The following EPB41L4B variants were observed in gnomAD, a reference collection of about 807,000 sequenced individuals.
EPB41L4B encodes erythrocyte membrane protein band 4.1 like 4B.
A neutral mutation model predicts 112.5 loss-of-function variants in EPB41L4B; 30 were observed. That is an observed-to-expected ratio of 0.27 (90% CI 0.20 to 0.36). EPB41L4B has a LOEUF of 0.36. Ranked by LOEUF, EPB41L4B falls within the 10% of genes least tolerant of loss-of-function variation. The probability of loss-of-function intolerance (pLI) is 1.00; values close to 1 mark genes in which losing one functional copy is unlikely to be tolerated. For synonymous variants in EPB41L4B, 408 were observed against 439.7 expected, an observed-to-expected ratio of 0.93 and a Z score of 0.90; for missense variants, 1,024 against 1,133.3, an observed-to-expected ratio of 0.90 and a Z score of 1.38.
intron 4 of EPB41L4B, 133 bp downstream of exon 4, chr9:109,267,340 A>G: frequency 1.8e-6 from 1 of 565,878 alleles, no homozygotes; most frequent in Non-Finnish European, 3.2e-6. Context: ...GAAGCACCGG[A>G]AAAGTACTAA....
intron 18 of EPB41L4B, 115 bp downstream of exon 18, chr9:109,207,809 T>G: frequency 7.5e-7 from 1 of 1,336,220 alleles, no homozygotes; most frequent in Non-Finnish European, 1.0e-6. Flanking sequence ...GGTTCTCATC[T>G]CCTGACTGGA....
intron 1 of EPB41L4B, among the ~76,000 whole-genome samples, chr9:109,286,590 C>A (rs773605379): frequency 2.0e-5 from 3 of 152,140 alleles, no homozygotes; most frequent in Admixed American, 2.0e-4. Flanking sequence ...CTCTCTGTGA[C>A]GAATTCATCC....
chr9:109,239,326 G>C lies in EPB41L4B; in HGVS notation c.1409+4292C>G, dbSNP rs76369089. 5.8e-3 allele frequency among the ~76,000 whole-genome samples: 887 copies of C among 152,312 alleles called. 19 individuals carry two copies. The East Asian group carries it at 0.086, about 15-fold the overall frequency. ...GGAATTCAGGCAGAAGAAAAGTTTT[G>C]TGGGAGGAGGGTAAAAGATGATCGA... On this transcript the variant is annotated intron_variant, in intron 15 of 25. Transcript: ENST00000374566.
At chr9:109,302,278 G>T (rs1836998647) in intron 1 of EPB41L4B, among the ~76,000 whole-genome samples, 1 of 152,138 alleles carries the variant, frequency 6.6e-6, no homozygotes, top group Admixed American at 6.5e-5. Context: ...TCTCTTCATT[G>T]TTCTCGGCCT....
intron 1 of EPB41L4B, among the ~76,000 whole-genome samples, chr9:109,313,803 T>C (rs1181005032): frequency 6.6e-6 from 1 of 152,174 alleles, no homozygotes; most frequent in Non-Finnish European, 1.5e-5. Context: ...AAGTCGACCA[T>C]CCTTATTCAA....
intron 15 of EPB41L4B, among the ~76,000 whole-genome samples, chr9:109,218,317 G>A (rs1222757966): frequency 6.6e-6 from 1 of 151,694 alleles, no homozygotes; most frequent in African/African-American, 2.4e-5. Context: ...GTAGAGATGG[G>A]GTTTCACCAT....
chr9:109,174,726 G>A, intron 25 of EPB41L4B, 103 bp from the exon 26 acceptor site: 1 of 928,774 alleles, frequency 1.1e-6, no homozygotes, highest in Non-Finnish European at 1.6e-6. Context: ...TCTCAGTGTT[G>A]GACTTTCTTT....
chr9:109,276,694 G>A (rs1156490721), intron 2 of EPB41L4B, among the ~76,000 whole-genome samples: 1 of 152,202 alleles, frequency 6.6e-6, no homozygotes, highest in Non-Finnish European at 1.5e-5. Context: ...GCACTGGCGG[G>A]CGGGAAAGCC....
At chr9:109,295,837 G>T (rs1047501961) in intron 1 of EPB41L4B, among the ~76,000 whole-genome samples, 10 of 149,804 alleles carry the variant, frequency 6.7e-5, no homozygotes, top group African/African-American at 2.2e-4. Context: ...CTTTTTTTCT[G>T]TTTTTTTTTC....
At chr9:109,314,641 CCCACCTCAG>C (rs1468948034) in intron 1 of EPB41L4B, among the ~76,000 whole-genome samples, 1 of 151,654 alleles carries the variant, frequency 6.6e-6, no homozygotes, top group Non-Finnish European at 1.5e-5. Context: ...CTCACCCCCC[CCCACCTCAG>C]CCTTTCTTTT....
intron 1 of EPB41L4B, among the ~76,000 whole-genome samples, chr9:109,313,415 A>C (rs536933984): frequency 6.6e-6 from 1 of 152,302 alleles, no homozygotes; most frequent in Admixed American, 6.5e-5. Flanking sequence ...GAGTGAGATT[A>C]GAGGGATTAG....
chr9:109,211,747 G>A (rs143544791), intron 17 of EPB41L4B, among the ~76,000 whole-genome samples: 7,862 of 136,524 alleles, frequency 0.058, 315 homozygotes, highest in Middle Eastern at 0.15. Flanking sequence ...AGGGAGTCTC[G>A]CTCTGTCACC....
At chr9:109,222,877 A>G (rs756116432) in intron 15 of EPB41L4B, among the ~76,000 whole-genome samples, 1 of 152,192 alleles carries the variant, frequency 6.6e-6, no homozygotes, top group Non-Finnish European at 1.5e-5. Context: ...GTGCCCTGTT[A>G]GTAAATGCAG....
chr9:109,173,468 T>C lies in EPB41L4B; in HGVS notation c.*1086A>G, dbSNP rs1214148726. 6.6e-6 allele frequency: 1 copy of C among 152,490 alleles called. No individual in the cohort carries two copies. The highest frequency in any genetic ancestry group is 1.5e-5 in the Non-Finnish European group (1 of 68,030). 9.4% of individuals were successfully genotyped at this position (152,490 alleles called of 1,614,324 possible). ...CTATTTATAAGAGTGAAAAATTAGA[T>C]ATAACTCAAATATCTAATAATGGGG... On this transcript the variant is annotated 3_prime_UTR_variant, in exon 26 of 26. Coordinates refer to ENST00000374566, the MANE Select transcript of EPB41L4B (RefSeq NM_019114.5).
chr9:109,266,819 A>AT (rs1288204371), intron 4 of EPB41L4B, among the ~76,000 whole-genome samples: 1 of 151,932 alleles, frequency 6.6e-6, no homozygotes, highest in Non-Finnish European at 1.5e-5. Context: ...ATATATAACA[A>AT]TTAGCAGAGT....
chr9:109,267,105 G>A (rs796396092), intron 4 of EPB41L4B, among the ~76,000 whole-genome samples: 4 of 151,588 alleles, frequency 2.6e-5, no homozygotes, highest in African/African-American at 9.7e-5. Flanking sequence ...AGAATATTTT[G>A]CAATCTCTTA....
chr9:109,247,690 C>CT, intron 14 of EPB41L4B, 66 bp downstream of exon 14: 4 of 1,182,136 alleles, frequency 3.4e-6, no homozygotes, highest in Non-Finnish European at 4.5e-6. Context: ...TTACAAAAAC[C>CT]TTTTTTTAAA....
At chr9:109,177,808 G>A (rs1285141216) in intron 24 of EPB41L4B, among the ~76,000 whole-genome samples, 4 of 150,262 alleles carry the variant, frequency 2.7e-5, no homozygotes, top group Admixed American at 1.3e-4. Context: ...GGCACAGAGC[G>A]AGACTCTGTC....
intron 3 of EPB41L4B, 36 bp from the exon 4 acceptor site, chr9:109,267,587 TC>T (rs1835455008): frequency 4.2e-6 from 6 of 1,413,778 alleles, no homozygotes; most frequent in South Asian, 2.3e-5. Flanking sequence ...AAGATGTTTT[TC>T]CCCCAGTTTT....
Sources: gnomAD v4.1 joint callset for allele counts (sites outside exome capture counted in the v4.1 genomes callset) on GRCh38, gnomAD v4.1.1 for gene constraint, MANE v1.5 for transcripts, NCBI Gene and HGNC (gene_info 2026-07-23, HGNC 2026-07-21) for gene names.